The following COL25A1 variants were observed in gnomAD, a reference collection of about 807,000 sequenced individuals.
The protein encoded by COL25A1 is collagen alpha-1(XXV) chain.
A neutral mutation model predicts 128.4 loss-of-function variants in COL25A1; 103 were observed. The ratio of observed to expected loss-of-function variants is 0.80; its 90% confidence interval spans 0.68 to 0.94. The LOEUF (loss-of-function observed/expected upper bound fraction) is 0.94. COL25A1 is among the 40% of genes least tolerant of loss of function. COL25A1 has a pLI of 0.00. For missense variants in COL25A1, 745 were observed against 840.0 expected, an observed-to-expected ratio of 0.89 and a Z score of 1.40; for synonymous variants, 279 against 277.2, an observed-to-expected ratio of 1.01 and a Z score of -0.06.
At chr4:108,935,965 A>AAAGGCT (rs1420416984) in intron 11 of COL25A1, among the ~76,000 whole-genome samples, 3 of 152,218 alleles carry the variant, frequency 2.0e-5, no homozygotes, top group Non-Finnish European at 4.4e-5. Flanking sequence ...GTCTGTGCAC[A>AAAGGCT]CCTGGGGACA....
intron 5 of COL25A1, among the ~76,000 whole-genome samples, chr4:109,043,506 C>T (rs1436936010): frequency 3.3e-5 from 5 of 151,896 alleles, no homozygotes; most frequent in African/African-American, 9.7e-5. Context: ...GAGTTCTCCA[C>T]GACCAACAAT....
chr4:109,050,241 C>A (rs1379637493), intron 3 of COL25A1, 62 bp from the exon 4 acceptor site: 3 of 1,239,076 alleles, frequency 2.4e-6, no homozygotes, highest in Non-Finnish European at 3.5e-6. Flanking sequence ...TCCAAAATAG[C>A]TAGTAAATAA....
At chr4:108,899,229 A>C in intron 14 of COL25A1, 49 bp from the exon 15 acceptor site, 1 of 1,517,914 alleles carries the variant, frequency 6.6e-7, no homozygotes, top group African/African-American at 1.4e-5. Flanking sequence ...AAAACACCTA[A>C]TTTTATTATC....
chr4:108,941,758 T>G (rs1459636210), intron 8 of COL25A1, among the ~76,000 whole-genome samples: 7 of 152,180 alleles, frequency 4.6e-5, no homozygotes, highest in Admixed American at 4.6e-4. Flanking sequence ...CCTGCATTCT[T>G]CAGTCTGAGC....
chr4:108,817,351 A>C (rs1490385383), intron 37 of COL25A1, 46 bp downstream of exon 37: 1 of 1,586,448 alleles, frequency 6.3e-7, no homozygotes, highest in Non-Finnish European at 8.6e-7. Flanking sequence ...CCAGGTTAAG[A>C]GAAAGGGAGA....
chr4:109,207,447 C>T (rs562879290), intron 3 of COL25A1, among the ~76,000 whole-genome samples: 14 of 152,282 alleles, frequency 9.2e-5, no homozygotes, highest in African/African-American at 2.9e-4. Context: ...CAGTTCTACT[C>T]TCACTCCTGA....
chr4:109,093,138 T>C (rs1560678431), intron 3 of COL25A1, among the ~76,000 whole-genome samples: 1 of 152,144 alleles, frequency 6.6e-6, no homozygotes, highest in African/African-American at 2.4e-5. Context: ...TCCAAGCACA[T>C]GTGCAGTTCA....
In COL25A1 at chr4:108,974,302, T is replaced by C. The variant is rs368280183; in HGVS notation, c.492+65A>G. The C allele has an allele frequency of 1.8e-5, 28 of 1,558,252 alleles. No individual in the cohort carries two copies. In the East Asian group the frequency reaches 5.4e-4, roughly 30 times the overall value. The stretch of plus-strand genomic sequence containing the variant: ...AAAGGCAGTTATGAAGCTGGGGTAC[T>C]TTCATTCAATAAACTTGGAGTTAGA... On this transcript the variant is annotated intron_variant, in intron 8 of 37. Transcript: ENST00000399132.
chr4:109,049,827 A>G lies in COL25A1; in HGVS notation c.412+308T>C, dbSNP rs562989045. Among the ~76,000 whole-genome samples the G allele has an allele frequency of 2.0e-5, 3 of 152,338 alleles. 1 individual carries two copies. In the East Asian group the frequency reaches 5.8e-4, roughly 29 times the overall value. Reference sequence around the variant, plus strand: ...GATGCTATCACACCGTGTGCAGCTGAGAAACACGCCATTGTACATAGAAAG... The same window carrying G: ...GATGCTATCACACCGTGTGCAGCTGGGAAACACGCCATTGTACATAGAAAG... On this transcript the variant is annotated intron_variant, in intron 4 of 37. Coordinates refer to ENST00000399132, the MANE Select transcript of COL25A1 (RefSeq NM_198721.4).
chr4:108,809,746 C>G lies in COL25A1; in HGVS notation c.*4181G>C, dbSNP rs1730650987. ...CAAATCTAGCCAATATAAAGATATC[C>G]CAAGAAAAATGGGAAGAAGTAGGGA... is the stretch of plus-strand genomic sequence containing the variant. On this transcript the variant is annotated 3_prime_UTR_variant, in exon 38 of 38. Transcript: ENST00000399132. The G allele has an allele frequency of 6.6e-6, 1 of 151,856 alleles. No individual in the cohort carries two copies. The highest frequency in any genetic ancestry group is 2.4e-5 in the African/African-American group (1 of 41,378). 9.4% of individuals were successfully genotyped at this position (151,856 alleles called of 1,614,324 possible).
intron 11 of COL25A1, among the ~76,000 whole-genome samples, chr4:108,934,341 G>T (rs1472400078): frequency 4.0e-5 from 6 of 149,218 alleles, no homozygotes; most frequent in African/African-American, 1.5e-4. Flanking sequence ...TTGGGGGGAT[G>T]GGGGGCTGGG....
chr4:108,845,134 T>G (rs11098004), intron 29 of COL25A1, 55 bp downstream of exon 29: 1,192,432 of 1,403,074 alleles, frequency 0.85, 507,626 homozygotes, highest in Middle Eastern at 0.9. Context: ...GTAAGTAACA[T>G]GTCAGTGTGT....
chr4:108,867,569 T>C (rs1429441333), intron 20 of COL25A1, among the ~76,000 whole-genome samples: 2 of 152,190 alleles, frequency 1.3e-5, no homozygotes, highest in Non-Finnish European at 2.9e-5. Context: ...AGGACACACA[T>C]AGTTTCCATT....
chr4:109,037,735 T>G (rs1759490180), intron 5 of COL25A1, among the ~76,000 whole-genome samples: 1 of 152,210 alleles, frequency 6.6e-6, no homozygotes, highest in Non-Finnish European at 1.5e-5. Flanking sequence ...TCTGTCACTC[T>G]CCTTCTCTGA....
chr4:108,964,189 A>G (rs140126620), intron 8 of COL25A1, among the ~76,000 whole-genome samples: 30 of 151,566 alleles, frequency 2.0e-4, no homozygotes, highest in Middle Eastern at 3.4e-3. Flanking sequence ...AGGTCACTGT[A>G]CTCAAAAGAC....
At chr4:108,891,791 A>G (rs1408479361) in intron 16 of COL25A1, among the ~76,000 whole-genome samples, 1 of 152,082 alleles carries the variant, frequency 6.6e-6, no homozygotes, top group Non-Finnish European at 1.5e-5. Flanking sequence ...AAACTTGTAA[A>G]TACAAAGAAG....
At chr4:109,170,712 A>C (rs1455614725) in intron 3 of COL25A1, among the ~76,000 whole-genome samples, 1 of 152,176 alleles carries the variant, frequency 6.6e-6, no homozygotes, top group African/African-American at 2.4e-5. Context: ...TAAAATGAAT[A>C]ACACATAGTG....
At chr4:109,034,792 C>A (rs1484964336) in intron 5 of COL25A1, among the ~76,000 whole-genome samples, 1 of 152,134 alleles carries the variant, frequency 6.6e-6, no homozygotes, top group Admixed American at 6.5e-5. Context: ...TCTATATATG[C>A]ATCACTTTGA....
intron 3 of COL25A1, among the ~76,000 whole-genome samples, chr4:109,291,214 A>C (rs1724441338): frequency 6.6e-6 from 1 of 152,142 alleles, no homozygotes. Context: ...AATGCGAGGT[A>C]GAGTATTGTC....
Sources: gnomAD v4.1 joint callset for allele counts (sites outside exome capture counted in the v4.1 genomes callset) on GRCh38, gnomAD v4.1.1 for gene constraint, MANE v1.5 for transcripts, NCBI Gene and HGNC (gene_info 2026-07-23, HGNC 2026-07-21) for gene names.